The following SEMA3A variants were observed in gnomAD, a reference collection of about 807,000 sequenced individuals.
SEMA3A encodes the protein semaphorin 3A.
A neutral mutation model predicts 97.9 loss-of-function variants in SEMA3A; 29 were observed. The ratio of observed to expected loss-of-function variants is 0.30; its 90% CI spans 0.22 to 0.40. The LOEUF is 0.40. Among genes scored for constraint, SEMA3A ranks in the 10% least tolerant of loss-of-function variants. The pLI, the probability that SEMA3A is intolerant of heterozygous loss-of-function variation, is 1.00. For missense variants in SEMA3A, 763 were observed against 951.3 expected (o/e 0.80, Z 2.60); for synonymous variants, 321 against 323.7 (o/e 0.99, Z 0.09).
intron 2 of SEMA3A, among the ~76,000 whole-genome samples, chr7:84,351,847 T>C (rs1802444953): frequency 6.6e-6 from 1 of 151,978 alleles, no homozygotes; most frequent in Non-Finnish European, 1.5e-5. Flanking sequence ...AACTACTGTA[T>C]GATCCAACAA....
intron 1 of SEMA3A, among the ~76,000 whole-genome samples, chr7:84,417,397 G>C (rs921481116): frequency 1.3e-5 from 2 of 151,970 alleles, no homozygotes; most frequent in African/African-American, 4.8e-5. Flanking sequence ...TTACATGATA[G>C]AAGGCAGAGA....
At chr7:84,197,711 C>T (rs1006860714), upstream of SEMA3A, among the ~76,000 whole-genome samples, 1 of 148,896 alleles carries the variant, frequency 6.7e-6, no homozygotes, top group Non-Finnish European at 1.5e-5. Flanking sequence ...GATTTTAATC[C>T]ACTCCTCCAA....
At chr7:84,091,156 G>GA (rs1190821298) in intron 4 of SEMA3A, among the ~76,000 whole-genome samples, 4 of 32,078 alleles carry the variant, frequency 1.2e-4, no homozygotes, top group East Asian at 1.7e-3. Flanking sequence ...AGGAAGGAAG[G>GA]AAGGAAGGAA....
At chr7:84,320,347 G>T (rs1346719614) in intron 2 of SEMA3A, among the ~76,000 whole-genome samples, 1 of 151,898 alleles carries the variant, frequency 6.6e-6, no homozygotes, top group African/African-American at 2.4e-5. Context: ...TTAGGATATA[G>T]TTAAAATAAT....
At chr7:84,188,886 C>T (rs1797960307) in intron 1 of SEMA3A, among the ~76,000 whole-genome samples, 3 of 151,710 alleles carry the variant, frequency 2.0e-5, no homozygotes, top group African/African-American at 7.3e-5. Context: ...TTAAGTAATT[C>T]TTCTGTTTTG....
intron 3 of SEMA3A, among the ~76,000 whole-genome samples, chr7:84,216,055 G>A (rs2116327575): frequency 6.6e-6 from 1 of 152,276 alleles, no homozygotes; most frequent in South Asian, 2.1e-4. Context: ...TCCTCTGGTA[G>A]TAAAAAATAA....
At chr7:84,357,126 A>T (rs650395) in intron 2 of SEMA3A, among the ~76,000 whole-genome samples, 43,092 of 149,622 alleles carry the variant, frequency 0.29, 6,640 homozygotes, top group African/African-American at 0.38. Flanking sequence ...TTTTTCTTTT[A>T]TATATATATA....
At chr7:84,014,100 A>G in intron 7 of SEMA3A, 109 bp downstream of exon 7, 1 of 859,270 alleles carries the variant, frequency 1.2e-6, no homozygotes. Flanking sequence ...TATGTGAGTC[A>G]AGCTTTAGCC....
intron 1 of SEMA3A, among the ~76,000 whole-genome samples, chr7:84,144,826 T>C (rs2116089093): frequency 6.6e-6 from 1 of 152,242 alleles, no homozygotes; most frequent in Middle Eastern, 3.4e-3. Context: ...AAACAAGGCG[T>C]GAATCAAAAT....
At chr7:84,156,479 TTTAGA>T (rs1288737562) in intron 1 of SEMA3A, among the ~76,000 whole-genome samples, 1 of 152,122 alleles carries the variant, frequency 6.6e-6, no homozygotes, top group Non-Finnish European at 1.5e-5. Context: ...GAAAAAATGA[TTTAGA>T]TTATTGTTTC....
chr7:84,016,630 G>A (rs1382891957), intron 6 of SEMA3A, among the ~76,000 whole-genome samples: 2 of 151,512 alleles, frequency 1.3e-5, no homozygotes, highest in Non-Finnish European at 2.9e-5. Flanking sequence ...AGACTCTTCC[G>A]TCTCTGAGCT....
At chr7:84,041,350 TAG>T (rs1333934640) in intron 6 of SEMA3A, among the ~76,000 whole-genome samples, 1 of 152,078 alleles carries the variant, frequency 6.6e-6, no homozygotes, top group African/African-American at 2.4e-5. Flanking sequence ...TATTATTATT[TAG>T]AGAGTAGAAT....
In SEMA3A at chr7:84,431,531, A is replaced by G. The variant is rs1225126226; in HGVS notation, c.-245-59631T>C. On this transcript the variant is annotated intron_variant, in intron 1 of 3. Coordinates refer to the SEMA3A transcript ENST00000424555. Reference sequence around the variant, plus strand: ...TTTTACTAGATTTGAATTGCACTCAATGACTAAAGCATTTTTTGTCATCTC... The same window carrying G: ...TTTTACTAGATTTGAATTGCACTCAGTGACTAAAGCATTTTTTGTCATCTC... Among the ~76,000 whole-genome samples, 4 of 152,050 alleles carry G rather than the reference A, an allele frequency of 2.6e-5. No individual in the cohort carries two copies. In the East Asian group the frequency reaches 7.7e-4, roughly 29 times the overall value.
intron 3 of SEMA3A, among the ~76,000 whole-genome samples, chr7:84,254,220 T>C (rs1366773008): frequency 2.0e-5 from 3 of 152,188 alleles, no homozygotes; most frequent in African/African-American, 4.8e-5. Context: ...GGGATTTGGT[T>C]ACTTAGGTTG....
In SEMA3A at chr7:84,309,649, A is replaced by T. The variant is rs77320949; in HGVS notation, c.-168-2357T>A. On this transcript the variant is annotated intron_variant, in intron 2 of 3. Transcript: ENST00000424555. ...TATACCACGTGTGGGCTTCTTTCTG[A>T]CATACACAGTGTTATGAAATAATAG... 5.6e-3 allele frequency among the ~76,000 whole-genome samples: 859 copies of T among 152,274 alleles called. 38 individuals carry two copies. The East Asian group carries it at 0.11, about 19-fold the overall frequency.
At chr7:84,054,678 T>C (rs554242032) in intron 5 of SEMA3A, among the ~76,000 whole-genome samples, 1 of 141,098 alleles carries the variant, frequency 7.1e-6, no homozygotes, top group African/African-American at 2.6e-5. Context: ...AGTAATTTGA[T>C]CGTCTGAAGC....
chr7:84,406,098 A>T (rs1424348969), intron 1 of SEMA3A, among the ~76,000 whole-genome samples: 1 of 152,212 alleles, frequency 6.6e-6, no homozygotes, highest in East Asian at 1.9e-4. Flanking sequence ...CAAAAAATCA[A>T]TGAATCCAGG....
chr7:84,141,493 A>G (rs1445875650), intron 1 of SEMA3A, among the ~76,000 whole-genome samples: 1 of 152,082 alleles, frequency 6.6e-6, no homozygotes, highest in Non-Finnish European at 1.5e-5. Context: ...AATTGTTTTT[A>G]CTTGTATAGA....
intron 3 of SEMA3A, among the ~76,000 whole-genome samples, chr7:84,117,723 A>G (rs987703898): frequency 1.3e-5 from 2 of 152,196 alleles, no homozygotes; most frequent in African/African-American, 2.4e-5. Context: ...ATTGTCTTCC[A>G]TGAAACCAGT....
Sources: allele counts gnomAD v4.1 joint callset (sites outside exome capture counted in the v4.1 genomes callset), GRCh38; gene constraint gnomAD v4.1.1; transcripts MANE v1.5; gene names NCBI Gene and HGNC (gene_info 2026-07-23, HGNC 2026-07-21).